Variants in NWD2 observed in about 807,000 individuals in gnomAD.
NWD2 encodes NACHT and WD repeat domain containing 2.
NWD2 carries 37 observed loss-of-function variants against 132.7 expected under a neutral mutation model. The observed-to-expected ratio is 0.28, with a 90% CI of 0.21 to 0.37. NWD2 has a LOEUF of 0.37. NWD2 is among the 10% of genes least tolerant of loss of function. The pLI, the probability that NWD2 is intolerant of heterozygous loss-of-function variation, is 1.00. For synonymous variants in NWD2, 705 were observed against 803.0 expected, an observed-to-expected ratio of 0.88 and a Z score of 2.06; for missense variants, 1,592 against 2,122.4, an observed-to-expected ratio of 0.75 and a Z score of 4.91.
chr4:37,244,940 C>G lies in NWD2; in HGVS notation c.-128C>G, dbSNP rs1321065213. The G allele has an allele frequency of 7.8e-7, 1 of 1,274,688 alleles. No individual in the cohort carries two copies. The highest frequency in any genetic ancestry group is 1.0e-6 in the Non-Finnish European group (1 of 953,460). The allele number at this position is 1,274,688 out of a possible 1,614,324, so 79.0% of individuals were successfully genotyped here. On this transcript the variant is annotated 5_prime_UTR_variant, in exon 1 of 7. Transcript: ENST00000309447. This position sits in a 1 kb window ranked among gnomAD's most constrained non-coding sequence, Gnocchi z 5.5. Reference sequence around the variant, plus strand: ...GAGCTCGCCAAAGGCGCTTCGGGCTCGGAGCGGCTCTGAGCCGCGCCGCCT... The same window carrying G: ...GAGCTCGCCAAAGGCGCTTCGGGCTGGGAGCGGCTCTGAGCCGCGCCGCCT...
chr4:37,325,812 T>G (rs1719161960), intron 1 of NWD2, 124 bp from the exon 2 acceptor site: 2 of 592,180 alleles, frequency 3.4e-6, no homozygotes, highest in Non-Finnish European at 5.9e-6. Context: ...ATCCTGTTAT[T>G]TCACAATCCA....
chr4:37,435,352 A>C (rs181563515), intron 5 of NWD2, among the ~76,000 whole-genome samples: 116 of 152,350 alleles, frequency 7.6e-4, no homozygotes, highest in Admixed American at 2.5e-3. Flanking sequence ...AGCTCAGAGA[A>C]GTTACAAACC....
intron 3 of NWD2, among the ~76,000 whole-genome samples, chr4:37,412,630 A>G (rs1170398010): frequency 2.0e-5 from 3 of 147,720 alleles, no homozygotes; most frequent in African/African-American, 7.7e-5. Context: ...GCAAAAAACT[A>G]CTTTAAACTT....
intron 1 of NWD2, among the ~76,000 whole-genome samples, chr4:37,286,261 G>A (rs1477732408): frequency 1.3e-5 from 2 of 152,184 alleles, no homozygotes; most frequent in Admixed American, 1.3e-4. Context: ...TCTGTTAACA[G>A]TAACAGTAAT....
At chr4:37,323,048 A>G (rs1311376657) in intron 1 of NWD2, among the ~76,000 whole-genome samples, 3 of 152,120 alleles carry the variant, frequency 2.0e-5, no homozygotes, top group East Asian at 3.9e-4. Context: ...TAGTGGCTGT[A>G]TGCTCTTGAG....
At chr4:37,297,837 T>G (rs771547244) in intron 1 of NWD2, among the ~76,000 whole-genome samples, 3 of 152,152 alleles carry the variant, frequency 2.0e-5, no homozygotes, top group Non-Finnish European at 2.9e-5. Context: ...GTACATCATA[T>G]CAGGAGGAAC....
At chr4:37,313,221 A>G (rs1434374636) in intron 1 of NWD2, among the ~76,000 whole-genome samples, 2 of 150,896 alleles carry the variant, frequency 1.3e-5, no homozygotes, top group African/African-American at 2.5e-5. Context: ...TCCTCCTTGT[A>G]CCTCTGGTAG....
chr4:37,251,836 G>A (rs978834050), intron 1 of NWD2, among the ~76,000 whole-genome samples: 4 of 152,136 alleles, frequency 2.6e-5, no homozygotes, highest in Non-Finnish European at 4.4e-5. Flanking sequence ...GGAAGCAGAT[G>A]CATTCACTCA....
At chr4:37,263,278 A>G (rs1430273898) in intron 1 of NWD2, among the ~76,000 whole-genome samples, 1 of 152,198 alleles carries the variant, frequency 6.6e-6, no homozygotes, top group Non-Finnish European at 1.5e-5. Context: ...ATCAAGAATC[A>G]TACTGACTAT....
chr4:37,382,136 C>A (rs1443729663), intron 3 of NWD2, among the ~76,000 whole-genome samples: 1 of 152,164 alleles, frequency 6.6e-6, no homozygotes, highest in African/African-American at 2.4e-5. Context: ...TAGCCCAAGG[C>A]CCTAAAGAAG....
At chr4:37,394,799 GTTTTTTTTTTTTTTT>G (rs1175840735) in intron 3 of NWD2, among the ~76,000 whole-genome samples, 31 of 52,612 alleles carry the variant, frequency 5.9e-4, no homozygotes, top group Admixed American at 4.2e-3. Flanking sequence ...AACCTTTATG[GTTTTTTTTTTTTTTT>G]TTTTTTTTTT....
chr4:37,246,275 C>G (rs779090047), intron 1 of NWD2, among the ~76,000 whole-genome samples: 25 of 152,156 alleles, frequency 1.6e-4, no homozygotes, highest in Admixed American at 2.6e-4. Context: ...GTTCTGGTTT[C>G]TTGAAAAAGC....
At chr4:37,427,846 T>C (rs1230619499) in intron 3 of NWD2, among the ~76,000 whole-genome samples, 1 of 139,972 alleles carries the variant, frequency 7.1e-6, no homozygotes, top group East Asian at 2.0e-4. Context: ...ACCAGGGATA[T>C]GTTTATACAG....
At chr4:37,405,728 T>A (rs996031946) in intron 3 of NWD2, among the ~76,000 whole-genome samples, 2 of 152,146 alleles carry the variant, frequency 1.3e-5, no homozygotes, top group Admixed American at 1.3e-4. Context: ...AAGAGTGAGG[T>A]CTAAGGGACG....
chr4:37,390,422 A>G lies in NWD2; in HGVS notation c.357+33940A>G, dbSNP rs1364878638. Among the ~76,000 whole-genome samples the G allele has an allele frequency of 3.6e-5, 5 of 138,546 alleles. No individual in the cohort carries two copies. In the East Asian group the frequency reaches 1.0e-3, roughly 29 times the overall value. 90.9% of individuals were successfully genotyped at this position (138,546 alleles called of 152,430 possible). ...GCATAATCTGAAATTTTTTTTTTTG[A>G]CAGTGAGTTATTTTTAAAATATTCA... is the stretch of plus-strand genomic sequence containing the variant. On this transcript the variant is annotated intron_variant, in intron 3 of 6. Transcript: ENST00000309447.
At position 37,247,870 on chromosome 4, in the gene NWD2, A is replaced by G. The variant is rs1347673194; in HGVS notation, c.151+2652A>G. ...GGTGATCCACCTGCCTCAGCCTCCC[A>G]AAGTGCTGGGATTACAGGTGTGAGC... On this transcript the variant is annotated intron_variant, in intron 1 of 6. Transcript: ENST00000309447. Among the ~76,000 whole-genome samples the G allele has an allele frequency of 3.3e-5, 5 of 152,274 alleles. No individual in the cohort carries two copies. In the East Asian group the frequency reaches 9.7e-4, roughly 29 times the overall value.
chr4:37,323,736 C>G (rs1719114587), intron 1 of NWD2, among the ~76,000 whole-genome samples: 2 of 152,026 alleles, frequency 1.3e-5, no homozygotes, highest in African/African-American at 4.8e-5. Flanking sequence ...GACACATGCA[C>G]TTGTATGCTC....
intron 1 of NWD2, among the ~76,000 whole-genome samples, chr4:37,285,611 A>C (rs1431126580): frequency 2.0e-5 from 3 of 152,172 alleles, no homozygotes; most frequent in African/African-American, 7.2e-5. Context: ...CTTAACATTT[A>C]ATTAATTTCT....
intron 1 of NWD2, among the ~76,000 whole-genome samples, chr4:37,316,715 A>G (rs28419701): frequency 0.073 from 11,038 of 152,148 alleles, 1,220 homozygotes; most frequent in African/African-American, 0.24. Context: ...AGCTGATTTC[A>G]GGTTTTCATC....
Sources: gnomAD v4.1 joint callset for allele counts (sites outside exome capture counted in the v4.1 genomes callset) on GRCh38, gnomAD v4.1.1 for gene constraint, Gnocchi (gnomAD v3.1) non-coding constraint, MANE v1.5 for transcripts, NCBI Gene and HGNC (gene_info 2026-07-23, HGNC 2026-07-21) for gene names.